Variants in FHOD3 observed in about 807,000 individuals in gnomAD.
FHOD3 encodes FH1/FH2 domain-containing protein 3.
FHOD3 carries 90 observed loss-of-function variants against 173.0 expected under a neutral mutation model. The ratio of observed to expected loss-of-function variants is 0.52; its 90% CI spans 0.44 to 0.62. The LOEUF (loss-of-function observed/expected upper bound fraction) is 0.62. Ranked by LOEUF, FHOD3 falls within the 20% of genes least tolerant of loss-of-function variation. FHOD3 has a pLI of 0.00. For synonymous variants in FHOD3, 828 were observed against 823.0 expected (o/e 1.01, Z -0.10); for missense variants, 1,945 against 2,034.7 (o/e 0.96, Z 0.85).
rs188186119 is a variant in FHOD3, at chr18:36,374,205, T to C, written c.337+1461T>C. Among the ~76,000 whole-genome samples, 3 of 152,322 alleles carry C rather than the reference T, an allele frequency of 2.0e-5. No individual in the cohort carries two copies. The East Asian group carries it at 5.8e-4, about 29-fold the overall frequency. ...TACAGGATTTTTTAAAAACAACTTC[T>C]GTGTTATTGACTTGTCTTATGAACT... On this transcript the variant is annotated intron_variant, in intron 3 of 28. Transcript: ENST00000590592.
intron 5 of FHOD3, among the ~76,000 whole-genome samples, chr18:36,555,622 G>A (rs985942797): frequency 2.6e-5 from 4 of 152,066 alleles, no homozygotes; most frequent in African/African-American, 9.7e-5. Context: ...AGATTACTGT[G>A]AGATTATTGT....
At chr18:36,380,572 CT>C (rs1305461976) in intron 3 of FHOD3, among the ~76,000 whole-genome samples, 25 of 119,046 alleles carry the variant, frequency 2.1e-4, no homozygotes, top group Non-Finnish European at 3.6e-4. Flanking sequence ...CTTTTCTTTT[CT>C]TTTCTTTTCC....
chr18:36,388,719 A>C (rs2048148455), intron 3 of FHOD3, among the ~76,000 whole-genome samples: 1 of 152,152 alleles, frequency 6.6e-6, no homozygotes, highest in African/African-American at 2.4e-5. Context: ...TGCCTCTTCC[A>C]CAGAAGGAGT....
At chr18:36,660,775 T>G (rs943645453) in intron 14 of FHOD3, among the ~76,000 whole-genome samples, 2 of 152,154 alleles carry the variant, frequency 1.3e-5, no homozygotes, top group Non-Finnish European at 2.9e-5. Context: ...GTCCTTGGCT[T>G]GAAGAAGGCT....
intron 19 of FHOD3, among the ~76,000 whole-genome samples, chr18:36,720,137 G>A (rs758514092): frequency 2.6e-4 from 40 of 151,670 alleles, no homozygotes; most frequent in Non-Finnish European, 5.2e-4. Context: ...TAACACCTAA[G>A]AAAGGGTTGC....
chr18:36,420,932 C>T (rs1397579975), intron 3 of FHOD3, among the ~76,000 whole-genome samples: 2 of 152,124 alleles, frequency 1.3e-5, no homozygotes, highest in Non-Finnish European at 2.9e-5. Context: ...CTCAGTAGTG[C>T]TGGATTTTTT....
chr18:36,611,888 T>A (rs2032714722), intron 8 of FHOD3, 64 bp from the exon 9 acceptor site: 5 of 1,508,100 alleles, frequency 3.3e-6, no homozygotes, highest in Non-Finnish European at 2.7e-6. Flanking sequence ...CATTGGAAAA[T>A]GCCCTGAGAG....
intron 5 of FHOD3, among the ~76,000 whole-genome samples, chr18:36,569,614 C>A (rs551212024): frequency 1.3e-5 from 2 of 152,202 alleles, no homozygotes; most frequent in East Asian, 3.9e-4. Context: ...GAAAACACTA[C>A]CCAACTACAG....
At chr18:36,680,756 G>A (rs554906191) in intron 14 of FHOD3, among the ~76,000 whole-genome samples, 1 of 152,324 alleles carries the variant, frequency 6.6e-6, no homozygotes, top group East Asian at 1.9e-4. Context: ...GTCATAGAAT[G>A]AAATTTCCTT....
At chr18:36,483,589 T>A (rs2054042217) in intron 3 of FHOD3, among the ~76,000 whole-genome samples, 3 of 152,222 alleles carry the variant, frequency 2.0e-5, no homozygotes, top group Admixed American at 6.5e-5. Context: ...CCATAATTAA[T>A]GCTAGTAAAA....
intron 5 of FHOD3, among the ~76,000 whole-genome samples, chr18:36,541,626 C>T (rs1192431701): frequency 6.6e-6 from 1 of 152,170 alleles, no homozygotes; most frequent in Non-Finnish European, 1.5e-5. Context: ...TATGTGTTTA[C>T]TCCTTCCAAA....
intron 3 of FHOD3, among the ~76,000 whole-genome samples, chr18:36,433,631 G>A (rs2050668893): frequency 6.6e-6 from 1 of 152,176 alleles, no homozygotes. Context: ...AACAGAAAGT[G>A]AGAGTAAGCA....
rs563071774 is a variant in FHOD3, at chr18:36,609,491, G to A, written c.814-2461G>A. ...CAGCCTGCATAAAAGGTGATAGTAC[G>A]CAGGCTTGGCTCAAGCCCATATTTT... On this transcript the variant is annotated intron_variant, in intron 8 of 28. Transcript: ENST00000590592. Among the ~76,000 whole-genome samples, 162 of 152,248 alleles carry A rather than the reference G, an allele frequency of 1.1e-3. 1 individual carries two copies. The highest frequency in any genetic ancestry group is 3.8e-4 in the Non-Finnish European group (26 of 68,010).
intron 1 of FHOD3, among the ~76,000 whole-genome samples, chr18:36,304,153 A>C (rs1426683284): frequency 6.6e-6 from 1 of 152,222 alleles, no homozygotes; most frequent in Non-Finnish European, 1.5e-5. Flanking sequence ...AGATCACTTG[A>C]ACATGTGAGC....
At chr18:36,639,990 T>C (rs892901250) in intron 10 of FHOD3, among the ~76,000 whole-genome samples, 4 of 152,158 alleles carry the variant, frequency 2.6e-5, no homozygotes, top group Admixed American at 1.3e-4. Context: ...AATTCCATTA[T>C]GTTAAATTAC....
intron 13 of FHOD3, among the ~76,000 whole-genome samples, chr18:36,655,525 CTTTGA>C (rs1457033240): frequency 6.6e-6 from 1 of 152,174 alleles, no homozygotes; most frequent in Non-Finnish European, 1.5e-5. Context: ...TGAAGGTTGA[CTTTGA>C]TTTAACTGAG....
chr18:36,756,315 C>G (rs1326711175), intron 25 of FHOD3, among the ~76,000 whole-genome samples: 1 of 152,060 alleles, frequency 6.6e-6, no homozygotes, highest in Non-Finnish European at 1.5e-5. Flanking sequence ...TTGAAGGACT[C>G]TAGAGTGTGA....
At chr18:36,609,865 C>A (rs889117677) in intron 8 of FHOD3, among the ~76,000 whole-genome samples, 1 of 152,186 alleles carries the variant, frequency 6.6e-6, no homozygotes, top group African/African-American at 2.4e-5. Context: ...CCTGCCTCAA[C>A]CCCCCAAAAG....
intron 13 of FHOD3, among the ~76,000 whole-genome samples, 162 bp downstream of exon 13, chr18:36,653,578 C>G (rs144158529): frequency 2.0e-5 from 3 of 152,264 alleles, no homozygotes; most frequent in African/African-American, 7.2e-5. Context: ...ACTATGAACA[C>G]TTAAATCTTA....
Sources: gnomAD v4.1 joint callset for allele counts (sites outside exome capture counted in the v4.1 genomes callset) on GRCh38, gnomAD v4.1.1 for gene constraint, MANE v1.5 for transcripts, NCBI Gene and HGNC (gene_info 2026-07-23, HGNC 2026-07-21) for gene names.